The following PRH1 variants were observed in gnomAD, a reference collection of about 807,000 sequenced individuals.
PRH1 encodes the protein salivary acidic proline-rich phosphoprotein 1/2.
Under a neutral mutation model 7.9 loss-of-function variants are expected in PRH1, and 7 were observed. The observed-to-expected ratio is 0.89, with a 90% CI of 0.50 to 1.67. The LOEUF (loss-of-function observed/expected upper bound fraction) is 1.67, where lower values mean the gene tolerates loss of function less well. Among genes scored for constraint, PRH1 ranks in the 40% most tolerant of loss-of-function variants. The pLI is 0.00. For missense variants in PRH1, 109 were observed against 223.6 expected (o/e 0.49, Z 3.27); for synonymous variants, 45 against 80.8 (o/e 0.56, Z 2.38).
At chr12:10,908,467 A>C in intron 2 of PRH1, 2 of 1,613,930 alleles carry the variant, frequency 1.2e-6, no homozygotes, top group South Asian at 2.2e-5. Context: ...AGAAGAAAGG[A>C]GTGGCTTGAA....
intron 1 of PRH1, among the ~76,000 whole-genome samples, chr12:11,052,843 C>T (rs1287069923): frequency 2.0e-5 from 3 of 151,806 alleles, no homozygotes; most frequent in Admixed American, 6.6e-5. Context: ...TATTCTCTTT[C>T]TGAACATTAT....
In PRH1 at chr12:10,882,681, G is replaced by A; in HGVS notation, c.118C>T (p.Gln40Ter). The A allele has an allele frequency of 1.3e-6, 2 of 1,565,050 alleles. No homozygotes were observed. The highest frequency in any genetic ancestry group is 1.7e-6 in the Non-Finnish European group (2 of 1,156,848). The change falls in exon 3 of 4, where the codon CAG (glutamine) becomes TAG (stop). Residue 40 changes from glutamine (Q) to a stop codon, truncating the protein, a stop_gained. Transcript: ENST00000543626. LOFTEE classifies it high-confidence loss of function. ...CCCTGACGCTCCTCATCTAGGAACT[G>A]CTCAGAGTCTCCTCCATCTGTGTGA... ...LVISDGGDSE[Q>*]FLDEERQGPP... is the part of the protein sequence containing the mutation.
At chr12:11,001,720 T>C (rs1940604647) in intron 1 of PRH1, among the ~76,000 whole-genome samples, 1 of 152,172 alleles carries the variant, frequency 6.6e-6, no homozygotes, top group African/African-American at 2.4e-5. Context: ...TGAACTGCGA[T>C]TAGGCTTTAC....
At chr12:10,896,211 T>G (rs1949642645) in intron 2 of PRH1, among the ~76,000 whole-genome samples, 1 of 152,198 alleles carries the variant, frequency 6.6e-6, no homozygotes, top group Non-Finnish European at 1.5e-5. Context: ...TTGAAGTAGA[T>G]TCTCCTTTAT....
intron 2 of PRH1, among the ~76,000 whole-genome samples, chr12:10,943,472 GC>G (rs1334497953): frequency 6.6e-6 from 1 of 152,040 alleles, no homozygotes; most frequent in Non-Finnish European, 1.5e-5. Flanking sequence ...TGGATATAAG[GC>G]CTTTGTCAGA....
At chr12:10,982,037 G>A (rs1349883619) in intron 1 of PRH1, among the ~76,000 whole-genome samples, 1 of 151,944 alleles carries the variant, frequency 6.6e-6, no homozygotes, top group Non-Finnish European at 1.5e-5. Context: ...ATAGAGCTTT[G>A]GCCCATGTCC....
intron 1 of PRH1, among the ~76,000 whole-genome samples, chr12:10,981,413 G>A (rs1051528645): frequency 3.9e-5 from 5 of 128,728 alleles, no homozygotes; most frequent in Non-Finnish European, 6.2e-5. Flanking sequence ...TCGCTCTGTC[G>A]CCCAGGCTGG....
intron 1 of PRH1, among the ~76,000 whole-genome samples, chr12:11,026,919 T>C (rs1941944092): frequency 6.6e-6 from 1 of 152,226 alleles, no homozygotes. Flanking sequence ...CACGGCTATG[T>C]CACTTCTGTT....
chr12:10,933,807 G>C (rs1420983754), intron 2 of PRH1, among the ~76,000 whole-genome samples: 1 of 152,028 alleles, frequency 6.6e-6, no homozygotes, highest in Non-Finnish European at 1.5e-5. Context: ...GAAAAAGCTT[G>C]TCAATGTTGT....
Position 10,933,559 on chromosome 12 carries a change from G to A in PRH1, c.-59+40096C>T, listed in dbSNP as rs558198975. ...CAGACTTGATTCCAGGAATGTTAAGGAATGTTCATTATTTGTTTTGGATAA... is the reference window on the plus strand; with the variant it reads ...CAGACTTGATTCCAGGAATGTTAAGAAATGTTCATTATTTGTTTTGGATAA... On this transcript the variant is annotated intron_variant, in intron 2 of 3. Transcript: ENST00000539853. 3.6e-4 allele frequency among the ~76,000 whole-genome samples: 54 copies of A among 151,958 alleles called. 1 individual carries two copies. The highest frequency in any genetic ancestry group is 1.3e-3 in the African/African-American group (53 of 41,482).
chr12:11,071,412 CAA>C (rs1285679556), intron 1 of PRH1, among the ~76,000 whole-genome samples: 1 of 152,170 alleles, frequency 6.6e-6, no homozygotes, highest in Non-Finnish European at 1.5e-5. Context: ...CTTGGAAGAC[CAA>C]AAGTTTTTGC....
At chr12:11,132,705 C>T (rs1314253968) in intron 1 of PRH1, among the ~76,000 whole-genome samples, 1 of 152,048 alleles carries the variant, frequency 6.6e-6, no homozygotes, top group African/African-American at 2.4e-5. Context: ...ATACTTCTCA[C>T]TCAAATTTTA....
chr12:11,081,275 T>C (rs1382681772), intron 1 of PRH1, among the ~76,000 whole-genome samples: 1 of 133,204 alleles, frequency 7.5e-6, no homozygotes, highest in Non-Finnish European at 1.7e-5. Context: ...GTCTATTGGA[T>C]TCTCAATATT....
rs958521680 is a variant in PRH1, at chr12:10,965,100, T to C, written c.-59+8555A>G. ...TGGTTGGTTACAGCCCAGGCATTAATAGTAGTAATTCTTACTCCTAAACTA... is the reference window on the plus strand; with the variant it reads ...TGGTTGGTTACAGCCCAGGCATTAACAGTAGTAATTCTTACTCCTAAACTA... On this transcript the variant is annotated intron_variant, in intron 2 of 3. Coordinates refer to the PRH1 transcript ENST00000539853. The C allele has an allele frequency of 2.3e-6, 3 of 1,308,554 alleles. No homozygotes were observed. In the Admixed American group the frequency reaches 5.4e-5, roughly 24 times the overall value. 81.1% of individuals were successfully genotyped at this position (1,308,554 alleles called of 1,614,324 possible).
chr12:11,114,288 A>C (rs1945670956), intron 1 of PRH1, among the ~76,000 whole-genome samples: 1 of 152,142 alleles, frequency 6.6e-6, no homozygotes, highest in South Asian at 2.1e-4. Flanking sequence ...GTATAAAGAA[A>C]ATGTGGCACA....
intron 1 of PRH1, among the ~76,000 whole-genome samples, chr12:11,128,228 C>G (rs1253602918): frequency 3.2e-4 from 48 of 151,676 alleles, no homozygotes; most frequent in Admixed American, 3.2e-3. Context: ...TATGAATATT[C>G]ACTTTTACTT....
intron 1 of PRH1, among the ~76,000 whole-genome samples, chr12:11,141,669 A>T (rs1370132473): frequency 3.3e-5 from 5 of 152,188 alleles, no homozygotes; most frequent in Non-Finnish European, 7.3e-5. Flanking sequence ...GAGTTAATAT[A>T]CTATTTGTAT....
At position 10,991,008 on chromosome 12, in the gene PRH1, T is replaced by A. The variant is rs199699791; in HGVS notation, c.-125-17287A>T. Among the ~76,000 whole-genome samples the A allele has an allele frequency of 2.0e-5, 3 of 152,148 alleles. No homozygotes were observed. The East Asian group carries it at 5.8e-4, about 29-fold the overall frequency. ...TTTGATTTGGACATGTTAGTTCAAG[T>A]TCTTGTTACGACATCCAAATGAAGA... On this transcript the variant is annotated intron_variant, in intron 1 of 3. Transcript: ENST00000539853.
chr12:10,928,516 G>T (rs1950154737), intron 2 of PRH1, among the ~76,000 whole-genome samples: 1 of 152,170 alleles, frequency 6.6e-6, no homozygotes, highest in Non-Finnish European at 1.5e-5. Flanking sequence ...TCTGTGTTCA[G>T]TTTTGCTTTA....
Sources: allele counts gnomAD v4.1 joint callset (sites outside exome capture counted in the v4.1 genomes callset), GRCh38; gene constraint gnomAD v4.1.1; transcripts MANE v1.5; gene names NCBI Gene and HGNC (gene_info 2026-07-23, HGNC 2026-07-21).